The following RIT2 variants were observed in gnomAD, a reference collection of about 807,000 sequenced individuals.
RIT2 encodes the protein GTP-binding protein Rit2.
A neutral mutation model predicts 23.7 loss-of-function variants in RIT2; 24 were observed. The observed-to-expected ratio is 1.01, with a 90% CI of 0.73 to 1.43. The LOEUF (loss-of-function observed/expected upper bound fraction) is 1.43, where lower values mean the gene tolerates loss of function less well. Among genes scored for constraint, RIT2 ranks in the 40% most tolerant of loss-of-function variants. The pLI is 0.00. For synonymous variants in RIT2, 107 were observed against 91.1 expected (o/e 1.17, Z -0.99); for missense variants, 236 against 266.9 (o/e 0.88, Z 0.81).
intron 2 of RIT2, among the ~76,000 whole-genome samples, chr18:43,000,803 T>C (rs1307644951): frequency 1.3e-5 from 2 of 152,018 alleles, no homozygotes; most frequent in African/African-American, 4.8e-5. Context: ...CATGTGGAAC[T>C]GTGAGTCAAT....
At chr18:42,835,713 C>A (rs1906581374) in intron 4 of RIT2, among the ~76,000 whole-genome samples, 1 of 151,988 alleles carries the variant, frequency 6.6e-6, no homozygotes, top group African/African-American at 2.4e-5. Flanking sequence ...GCACCAGATA[C>A]TTTCAGAATA....
chr18:42,850,808 G>C (rs1353323707), intron 4 of RIT2, among the ~76,000 whole-genome samples: 2 of 152,168 alleles, frequency 1.3e-5, no homozygotes, highest in East Asian at 3.9e-4. Flanking sequence ...CTTTGTCCAA[G>C]GTGCTTCCTT....
At chr18:42,908,828 G>A (rs1908692016) in intron 4 of RIT2, among the ~76,000 whole-genome samples, 1 of 152,050 alleles carries the variant, frequency 6.6e-6, no homozygotes, top group South Asian at 2.1e-4. Context: ...AATAATTGTG[G>A]TTTTGCCATT....
chr18:42,779,635 A>C (rs1361026027), intron 4 of RIT2, among the ~76,000 whole-genome samples: 1 of 152,204 alleles, frequency 6.6e-6, no homozygotes, highest in Non-Finnish European at 1.5e-5. Flanking sequence ...ATGTGATCAC[A>C]ATATAAATGT....
intron 4 of RIT2, among the ~76,000 whole-genome samples, chr18:42,811,148 C>T (rs756852534): frequency 6.6e-6 from 1 of 152,120 alleles, no homozygotes; most frequent in South Asian, 2.1e-4. Flanking sequence ...CCTGAGGGAT[C>T]ACCTAGCTTT....
intron 4 of RIT2, among the ~76,000 whole-genome samples, chr18:42,878,725 T>G (rs1236445842): frequency 6.6e-6 from 1 of 152,040 alleles, no homozygotes; most frequent in African/African-American, 2.4e-5. Context: ...TAAATCTCCA[T>G]GTCACTACAA....
chr18:43,005,710 G>C (rs1911211858), intron 2 of RIT2, among the ~76,000 whole-genome samples: 1 of 151,708 alleles, frequency 6.6e-6, no homozygotes, highest in Admixed American at 6.6e-5. Flanking sequence ...CTTAAATAAA[G>C]TATCCCATGA....
At chr18:43,070,310 T>C (rs2144334338) in intron 1 of RIT2, among the ~76,000 whole-genome samples, 1 of 152,332 alleles carries the variant, frequency 6.6e-6, no homozygotes, top group Non-Finnish European at 1.5e-5. Flanking sequence ...AGGAAAGCTA[T>C]AATCACAATT....
chr18:42,944,770 T>C (rs908681669), intron 3 of RIT2, among the ~76,000 whole-genome samples: 10 of 152,160 alleles, frequency 6.6e-5, no homozygotes, highest in African/African-American at 2.4e-4. Context: ...TGGGGCTCTG[T>C]CCTGAAACTG....
chr18:42,767,873 T>C (rs1178155596), intron 4 of RIT2, among the ~76,000 whole-genome samples: 1 of 152,152 alleles, frequency 6.6e-6, no homozygotes, highest in East Asian at 1.9e-4. Context: ...TTCTCCCACA[T>C]TTTCTCTTGC....
chr18:42,913,702 G>T (rs111673970), intron 4 of RIT2, among the ~76,000 whole-genome samples: 20 of 151,938 alleles, frequency 1.3e-4, no homozygotes, highest in African/African-American at 4.3e-4. Flanking sequence ...GGTTGCTAGG[G>T]ACTGCAGGGA....
intron 2 of RIT2, among the ~76,000 whole-genome samples, chr18:43,016,390 G>T (rs1020605616): frequency 6.6e-6 from 1 of 151,610 alleles, no homozygotes; most frequent in Non-Finnish European, 1.5e-5. Flanking sequence ...AATAAATATG[G>T]CTGGCATTAT....
At chr18:42,920,705 A>G (rs781652516) in intron 4 of RIT2, 2 of 1,593,570 alleles carry the variant, frequency 1.3e-6, no homozygotes, top group South Asian at 2.2e-5. Context: ...ACCAAATATG[A>G]AAAGAAGCAG....
chr18:42,813,149 C>T (rs1275323977), intron 4 of RIT2, among the ~76,000 whole-genome samples: 2 of 152,014 alleles, frequency 1.3e-5, no homozygotes, highest in East Asian at 1.9e-4. Context: ...CAGATAGTAG[C>T]GTAGTAAGAA....
intron 1 of RIT2, among the ~76,000 whole-genome samples, chr18:43,058,033 T>A (rs1205936150): frequency 6.6e-6 from 1 of 152,068 alleles, no homozygotes; most frequent in Admixed American, 6.6e-5. Flanking sequence ...TGGCATAGCA[T>A]CTGGTAAATG....
intron 4 of RIT2, among the ~76,000 whole-genome samples, chr18:42,751,987 A>G (rs1232100126): frequency 3.3e-5 from 5 of 152,076 alleles, no homozygotes; most frequent in Admixed American, 3.3e-4. Context: ...TTGACAAACC[A>G]TACATTTGTC....
At chr18:43,110,013 A>G (rs2144251782) in intron 1 of RIT2, among the ~76,000 whole-genome samples, 1 of 152,218 alleles carries the variant, frequency 6.6e-6, no homozygotes, top group Middle Eastern at 3.4e-3. Flanking sequence ...TTCCTACTAG[A>G]CAAATCTCTT....
At chr18:43,053,728 A>G (rs1030039712) in intron 1 of RIT2, among the ~76,000 whole-genome samples, 2 of 152,154 alleles carry the variant, frequency 1.3e-5, no homozygotes, top group Non-Finnish European at 2.9e-5. Flanking sequence ...AAAAGGCATT[A>G]TCAAATATTG....
At chr18:43,027,479 G>A (rs929183051) in intron 2 of RIT2, among the ~76,000 whole-genome samples, 1 of 152,050 alleles carries the variant, frequency 6.6e-6, no homozygotes, top group Non-Finnish European at 1.5e-5. Context: ...TTATGTAGGA[G>A]CATTGGCAGT....
Sources: allele counts gnomAD v4.1 joint callset (sites outside exome capture counted in the v4.1 genomes callset), GRCh38; gene constraint gnomAD v4.1.1; transcripts MANE v1.5; gene names NCBI Gene and HGNC (gene_info 2026-07-23, HGNC 2026-07-21).